The following NEK11 variants were observed in gnomAD, a reference collection of about 807,000 sequenced individuals.
NEK11 encodes NIMA related kinase 11, also known as serine/threonine-protein kinase Nek11.
NEK11 carries 72 observed loss-of-function variants against 80.7 expected under a neutral mutation model. The ratio of observed to expected loss-of-function variants is 0.89; its 90% confidence interval spans 0.74 to 1.08. NEK11 has a LOEUF of 1.08. Ranked by LOEUF, NEK11 falls within the 50% of genes least tolerant of loss-of-function variation. The probability of loss-of-function intolerance (pLI) is 0.00; values close to 1 mark genes in which losing one functional copy is unlikely to be tolerated. For synonymous variants in NEK11, 251 were observed against 260.7 expected (o/e 0.96, Z 0.36); for missense variants, 764 against 763.6 (o/e 1.00, Z -0.01).
chr3:131,256,933 G>A (rs573968435), intron 16 of NEK11, among the ~76,000 whole-genome samples: 3 of 152,200 alleles, frequency 2.0e-5, no homozygotes, highest in Non-Finnish European at 4.4e-5. Flanking sequence ...TGTGGCTGAT[G>A]TTCCTACCGC....
intron 14 of NEK11, among the ~76,000 whole-genome samples, chr3:131,210,851 T>C (rs893175281): frequency 2.0e-5 from 3 of 152,228 alleles, no homozygotes; most frequent in Non-Finnish European, 4.4e-5. Context: ...TCCCTTTATT[T>C]TGAGCCTATG....
intron 17 of NEK11, among the ~76,000 whole-genome samples, chr3:131,274,632 CTTTTTTT>C (rs756861338): frequency 4.6e-4 from 21 of 45,316 alleles, no homozygotes; most frequent in South Asian, 2.2e-3. Flanking sequence ...TGTTTCCTGA[CTTTTTTT>C]TTTTTTTTTT....
At chr3:131,313,860 C>G (rs1368133289) in intron 17 of NEK11, among the ~76,000 whole-genome samples, 2 of 152,144 alleles carry the variant, frequency 1.3e-5, no homozygotes, top group African/African-American at 2.4e-5. Context: ...AACCAAGTAG[C>G]ATTTCAACAT....
At chr3:131,271,390 T>C (rs2108644298) in intron 16 of NEK11, among the ~76,000 whole-genome samples, 1 of 152,338 alleles carries the variant, frequency 6.6e-6, no homozygotes, top group East Asian at 1.9e-4. Context: ...AATATTCATC[T>C]CAATTATATC....
intron 16 of NEK11, among the ~76,000 whole-genome samples, chr3:131,265,340 T>C (rs1478521159): frequency 1.3e-5 from 2 of 152,226 alleles, no homozygotes; most frequent in Non-Finnish European, 2.9e-5. Flanking sequence ...AGTATGATAC[T>C]GGCTGTGGGT....
At chr3:131,167,792 T>A (rs1346851774) in intron 12 of NEK11, among the ~76,000 whole-genome samples, 1 of 152,156 alleles carries the variant, frequency 6.6e-6, no homozygotes, top group East Asian at 1.9e-4. Context: ...CCCCAGTGAC[T>A]TCCCATTTTC....
At chr3:131,077,344 C>A (rs2074526240) in intron 3 of NEK11, among the ~76,000 whole-genome samples, 1 of 152,084 alleles carries the variant, frequency 6.6e-6, no homozygotes, top group African/African-American at 2.4e-5. Flanking sequence ...TGAGAGTTTC[C>A]TCTGTCAGCT....
In NEK11 at chr3:131,195,440, G is replaced by A. The variant is rs934940679; in HGVS notation, c.1399+24553G>A. Reference sequence around the variant, plus strand: ...CCCACATCTTTCCCATCTTTGAAATGTCTGTTTGTCTTGGAAGCCACATCA... The same window carrying A: ...CCCACATCTTTCCCATCTTTGAAATATCTGTTTGTCTTGGAAGCCACATCA... On this transcript the variant is annotated intron_variant, in intron 14 of 17. Coordinates refer to ENST00000383366, the MANE Select transcript of NEK11 (RefSeq NM_024800.5). Among the ~76,000 whole-genome samples, 4 of 116,760 alleles carry A rather than the reference G, an allele frequency of 3.4e-5. No individual in the cohort carries two copies. The South Asian group carries it at 9.4e-4, about 28-fold the overall frequency. 76.6% of individuals were successfully genotyped at this position (116,760 alleles called of 152,430 possible). A position where few individuals can be genotyped will look rare whatever the true frequency, so the allele number is the denominator to read the frequency against.
intron 3 of NEK11, among the ~76,000 whole-genome samples, chr3:131,053,983 G>T (rs1248203023): frequency 3.9e-5 from 6 of 152,256 alleles, no homozygotes; most frequent in African/African-American, 1.4e-4. Flanking sequence ...ATTTAAAGTT[G>T]TGGTGAACAT....
At chr3:131,042,320 G>A (rs115975672) in intron 3 of NEK11, among the ~76,000 whole-genome samples, 2 of 152,050 alleles carry the variant, frequency 1.3e-5, no homozygotes, top group Admixed American at 6.5e-5. Flanking sequence ...CTTGCTCAGC[G>A]GATCCCATTC....
intron 14 of NEK11, among the ~76,000 whole-genome samples, chr3:131,222,530 A>G (rs1303788674): frequency 6.6e-6 from 1 of 152,246 alleles, no homozygotes. Flanking sequence ...ATTTTAAGTA[A>G]TTTAGACAAC....
At chr3:131,038,466 G>A (rs10934965) in intron 3 of NEK11, among the ~76,000 whole-genome samples, 26,629 of 152,164 alleles carry the variant, frequency 0.18, 2,430 homozygotes, top group Non-Finnish European at 0.21. Flanking sequence ...AAAAGAATCC[G>A]TGTGCTTTCT....
At position 131,066,498 on chromosome 3, in the gene NEK11, C is replaced by A. The variant is rs1403835527; in HGVS notation, c.171-13925C>A. Among the ~76,000 whole-genome samples the A allele has an allele frequency of 2.6e-5, 4 of 152,044 alleles. No homozygotes were observed. In the East Asian group the frequency reaches 7.7e-4, roughly 29 times the overall value. The stretch of plus-strand genomic sequence containing the variant: ...ACTTTGACTTCATAAACTCAGAAGG[C>A]AGCATCCCATAGGGGTGAGATAGTT... On this transcript the variant is annotated intron_variant, in intron 3 of 17. Coordinates refer to ENST00000383366, the MANE Select transcript of NEK11 (RefSeq NM_024800.5).
At chr3:131,049,501 T>C (rs1421823725) in intron 3 of NEK11, among the ~76,000 whole-genome samples, 1 of 152,244 alleles carries the variant, frequency 6.6e-6, no homozygotes, top group Non-Finnish European at 1.5e-5. Context: ...TAGATGACAA[T>C]TTACAAAATT....
intron 7 of NEK11, among the ~76,000 whole-genome samples, chr3:131,141,874 G>A (rs2086979914): frequency 6.6e-6 from 1 of 152,138 alleles, no homozygotes; most frequent in Non-Finnish European, 1.5e-5. Context: ...ATGTAATTAT[G>A]AAAAGAAGCT....
intron 4 of NEK11, among the ~76,000 whole-genome samples, chr3:131,085,504 T>G (rs1200789190): frequency 1.3e-5 from 2 of 152,020 alleles, no homozygotes; most frequent in East Asian, 3.9e-4. Flanking sequence ...AAGGGTATGG[T>G]TAAAGTGCTG....
intron 4 of NEK11, among the ~76,000 whole-genome samples, chr3:131,082,106 G>A (rs568001700): frequency 6.6e-6 from 1 of 152,274 alleles, no homozygotes; most frequent in South Asian, 2.1e-4. Context: ...GAAGAACCAG[G>A]TCATTTGGAT....
At chr3:131,171,263 TG>T (rs2092675826) in intron 14 of NEK11, among the ~76,000 whole-genome samples, 1 of 152,174 alleles carries the variant, frequency 6.6e-6, no homozygotes. Flanking sequence ...ATTGAAGAAA[TG>T]AAGCCAGGCT....
intron 4 of NEK11, among the ~76,000 whole-genome samples, chr3:131,107,751 T>C (rs910198706): frequency 2.0e-5 from 3 of 152,090 alleles, no homozygotes; most frequent in Non-Finnish European, 4.4e-5. Flanking sequence ...TAAACTGATA[T>C]ATTAAGCAGA....
Sources: allele counts gnomAD v4.1 joint callset (sites outside exome capture counted in the v4.1 genomes callset), GRCh38; gene constraint gnomAD v4.1.1; transcripts MANE v1.5; gene names NCBI Gene and HGNC (gene_info 2026-07-23, HGNC 2026-07-21).